Variants in HSP90AA1 observed in about 807,000 individuals in gnomAD.
The protein encoded by HSP90AA1 is heat shock protein HSP 90-alpha.
Under a neutral mutation model 73.3 loss-of-function variants are expected in HSP90AA1, and 18 were observed. That is an observed-to-expected ratio of 0.25 (90% confidence interval 0.17 to 0.36). The LOEUF is 0.36. Ranked by LOEUF, HSP90AA1 falls within the 10% of genes least tolerant of loss-of-function variation. The pLI, the probability that HSP90AA1 is intolerant of heterozygous loss-of-function variation, is 1.00. For missense variants in HSP90AA1, 704 were observed against 874.2 expected (o/e 0.81, Z 2.45); for synonymous variants, 477 against 296.9 (o/e 1.61, Z -6.24).
At chr14:102,086,501 G>C (rs1300421967) in intron 1 of HSP90AA1, 123 bp from the exon 2 acceptor site, 1 of 1,067,078 alleles carries the variant, frequency 9.4e-7, no homozygotes, top group East Asian at 2.4e-5. Flanking sequence ...TAAGTAAACC[G>C]AAAATAGAAG....
rs762184386 is a variant in HSP90AA1 at position 102,083,560 on chromosome 14, A to G, written c.1472T>C (p.Ile491Thr). ...TGTTCTCTTACCTGTGATATAATAG[A>G]TATGTTTCTGGTTCTCCTTCATTCT... ...CTRMKENQKHIYYITGETKDQ... is the reference protein window; with the variant it reads ...CTRMKENQKHTYYITGETKDQ... Residue 491 changes from isoleucine to threonine, a missense_variant, in exon 8 of 11, where the codon ATC (isoleucine) becomes ACC (threonine). Ile to Thr is a moderately conservative substitution (Grantham distance 89). Coordinates refer to ENST00000216281, the MANE Select transcript of HSP90AA1 (RefSeq NM_005348.4). 2.9e-5 allele frequency: 46 copies of G among 1,613,656 alleles called. No homozygotes were observed. The highest frequency in any genetic ancestry group is 4.5e-5 in the East Asian group (2 of 44,888).
intron 10 of HSP90AA1, 93 bp downstream of exon 10, chr14:102,082,018 G>A: frequency 6.6e-6 from 6 of 912,266 alleles, no homozygotes; most frequent in Non-Finnish European, 1.1e-5. Context: ...AGCAGGACAA[G>A]GTGCTCCAAG....
intron 1 of HSP90AA1, among the ~76,000 whole-genome samples, chr14:102,135,659 G>C (rs546949045): frequency 6.6e-6 from 1 of 152,262 alleles, no homozygotes; most frequent in Non-Finnish European, 1.5e-5. Flanking sequence ...CCTGCCCCGC[G>C]GGAAGGCAGC....
At chr14:102,082,072 GTTTA>G (rs1330342414) in intron 10 of HSP90AA1, 35 bp downstream of exon 10, 3 of 1,366,980 alleles carry the variant, frequency 2.2e-6, no homozygotes, top group Non-Finnish European at 3.1e-6. Context: ...TGTCACGTGT[GTTTA>G]TTTTCTTTTT....
intron 2 of HSP90AA1, among the ~76,000 whole-genome samples, chr14:102,095,588 T>C (rs2049414004): frequency 6.6e-6 from 1 of 152,124 alleles, no homozygotes. Flanking sequence ...TGGGATGCCT[T>C]TGGGCATGCT....
chr14:102,113,571 A>C (rs1044174152), intron 1 of HSP90AA1, among the ~76,000 whole-genome samples: 3 of 150,858 alleles, frequency 2.0e-5, no homozygotes, highest in African/African-American at 7.3e-5. Context: ...TTTTTAGTGG[A>C]GACGGGATTT....
intron 1 of HSP90AA1, among the ~76,000 whole-genome samples, chr14:102,133,006 G>A (rs376548564): frequency 1.5e-4 from 23 of 151,476 alleles, no homozygotes; most frequent in Non-Finnish European, 2.2e-4. Flanking sequence ...CGGGCTGGGC[G>A]CAGTGGCTCA....
At chr14:102,087,304 A>G (rs2049269332), upstream of HSP90AA1, 1 of 355,744 alleles carries the variant, frequency 2.8e-6, no homozygotes, top group Non-Finnish European at 3.9e-6. Context: ...GCCGGCCTCA[A>G]TGCGCCTGCG....
At chr14:102,092,596 CTG>C (rs916940756) in intron 2 of HSP90AA1, among the ~76,000 whole-genome samples, 2 of 151,972 alleles carry the variant, frequency 1.3e-5, no homozygotes, top group African/African-American at 4.8e-5. Flanking sequence ...CACTGGTTGC[CTG>C]TAGGAGGTGG....
chr14:102,109,815 A>G (rs1250241572), intron 1 of HSP90AA1, among the ~76,000 whole-genome samples: 1 of 152,198 alleles, frequency 6.6e-6, no homozygotes, highest in East Asian at 1.9e-4. Context: ...GGAACTTCCT[A>G]GAGACTTGTT....
At chr14:102,082,938 GTTTT>G in intron 9 of HSP90AA1, 92 bp downstream of exon 9, 1 of 1,311,608 alleles carries the variant, frequency 7.6e-7, no homozygotes, top group South Asian at 1.2e-5. Flanking sequence ...ATAGTTTTCT[GTTTT>G]AAGTTGAAAA....
At chr14:102,100,149 C>T (rs908626917) in intron 2 of HSP90AA1, among the ~76,000 whole-genome samples, 8 of 151,784 alleles carry the variant, frequency 5.3e-5, no homozygotes, top group Non-Finnish European at 1.0e-4. Context: ...GATTGTGCCA[C>T]GGCACTCCAG....
At chr14:102,139,526 G>T in exon 1 of HSP90AA1, 2 of 1,057,874 alleles carry the variant, frequency 1.9e-6, no homozygotes, top group Non-Finnish European at 2.7e-6. Context: ...CCGCTGAGGA[G>T]GCACCCTCAA....
intron 1 of HSP90AA1, chr14:102,102,136 A>G: frequency 2.6e-6 from 4 of 1,514,454 alleles, no homozygotes; most frequent in South Asian, 2.2e-5. Flanking sequence ...CATAACAGAG[A>G]TAGGGCGGCA....
chr14:102,082,900 T>G, intron 9 of HSP90AA1, 134 bp downstream of exon 9: 18 of 924,448 alleles, frequency 1.9e-5, no homozygotes, highest in Non-Finnish European at 2.8e-5. Context: ...ATTGCAGGCG[T>G]GAGCCACCGC....
chr14:102,086,625 G>A (rs556326304), intron 1 of HSP90AA1, among the ~76,000 whole-genome samples: 1 of 151,328 alleles, frequency 6.6e-6, no homozygotes, highest in African/African-American at 2.4e-5. Context: ...GGTCCCCAAC[G>A]AACACCCCGG....
At chr14:102,104,400 A>C (rs910929469) in intron 1 of HSP90AA1, among the ~76,000 whole-genome samples, 2 of 151,902 alleles carry the variant, frequency 1.3e-5, no homozygotes, top group Admixed American at 6.6e-5. Flanking sequence ...TTTAGTAGAG[A>C]CAGGGTTTCA....
intron 1 of HSP90AA1, among the ~76,000 whole-genome samples, chr14:102,105,929 G>A (rs1001892542): frequency 3.9e-5 from 6 of 152,102 alleles, no homozygotes; most frequent in African/African-American, 1.2e-4. Context: ...AATCAGCCGG[G>A]TGTGGTGGTA....
chr14:102,108,254 C>A (rs1460755490), intron 1 of HSP90AA1, among the ~76,000 whole-genome samples: 4 of 126,766 alleles, frequency 3.2e-5, no homozygotes, highest in African/African-American at 5.6e-5. Context: ...CAGAGCGAGA[C>A]CTTGTCTCCA....
Sources: gnomAD v4.1 joint callset for allele counts (sites outside exome capture counted in the v4.1 genomes callset) on GRCh38, gnomAD v4.1.1 for gene constraint, MANE v1.5 for transcripts, NCBI Gene and HGNC (gene_info 2026-07-23, HGNC 2026-07-21) for gene names.